ZC2HC1C: variants seen among roughly 807,000 people sequenced by gnomAD.
ZC2HC1C encodes the protein zinc finger C2HC-type containing 1C, also known as zinc finger C2HC domain-containing protein 1C.
ZC2HC1C carries 25 observed loss-of-function variants against 39.2 expected under a neutral mutation model. That is an observed-to-expected ratio of 0.64 (90% CI 0.47 to 0.89). The LOEUF (loss-of-function observed/expected upper bound fraction) is 0.89. Ranked by LOEUF, ZC2HC1C falls within the 40% of genes least tolerant of loss-of-function variation. The pLI is 0.00. For missense variants in ZC2HC1C, 519 were observed against 548.6 expected (o/e 0.95, Z 0.54); for synonymous variants, 209 against 214.4 (o/e 0.97, Z 0.22).
At chr14:75,076,438 T>C (rs1015267193) in intron 2 of ZC2HC1C, among the ~76,000 whole-genome samples, 2 of 152,104 alleles carry the variant, frequency 1.3e-5, no homozygotes, top group African/African-American at 2.4e-5. Flanking sequence ...CCAGCTAATT[T>C]TGTGTATTTT....
rs1015210232 is a variant in ZC2HC1C, at chr14:75,077,677, A to G, written c.*113A>G. The G allele has an allele frequency of 9.6e-6, 13 of 1,356,942 alleles. No individual in the cohort carries two copies. Among genetic ancestry groups the G allele is most frequent in the Non-Finnish European group, 1.2e-5 (12 of 967,618 alleles). The allele number at this position is 1,356,942 out of a possible 1,614,324, so 84.1% of individuals were successfully genotyped here. ...CCCATCCTGCCTGCAGAAAACCCAG[A>G]CTGCATTCAGTGTCCTCAGTGTAGC... On this transcript the variant is annotated 3_prime_UTR_variant, in exon 3 of 3. Transcript: ENST00000524913.
In ZC2HC1C at chr14:75,071,035, G is replaced by C; in HGVS notation, c.462G>C (p.Glu154Asp). Residue 154 changes from glutamate to aspartate, a missense_variant, in exon 2 of 3, where the codon GAG becomes GAC. Physicochemically the swap from Glu to Asp is conservative, Grantham distance 45. Coordinates refer to ENST00000524913, the MANE Select transcript of ZC2HC1C (RefSeq NM_024643.4). ...MVHRKSCSTG[E>D]AGTDGDHNVY... The stretch of plus-strand genomic sequence containing the variant: ...ACAGGAAGTCGTGCAGTACAGGTGA[G>C]GCTGGCACTGATGGGGACCATAATG... 6.2e-7 allele frequency: 1 copy of C among 1,614,232 alleles called. No individual in the cohort carries two copies. The highest frequency in any genetic ancestry group is 8.5e-7 in the Non-Finnish European group (1 of 1,180,050).
In ZC2HC1C at chr14:75,073,684, AC is replaced by A. The variant is rs1466577837; in HGVS notation, c.1338+1774del. The A allele has an allele frequency of 3.1e-5, 37 of 1,199,336 alleles. No homozygotes were observed. In the African/African-American group the frequency reaches 5.2e-4, roughly 17 times the overall value. 74.3% of individuals were successfully genotyped at this position (1,199,336 alleles called of 1,614,324 possible). A position where few individuals can be genotyped will look rare whatever the true frequency, so the allele number is the denominator to read the frequency against. On this transcript the variant is annotated intron_variant, in intron 2 of 2. Coordinates refer to ENST00000524913, the MANE Select transcript of ZC2HC1C (RefSeq NM_024643.4). ...TCTTCACGTAACTCCCAGCAGACGT[AC>A]ACCCTGTCTCTCTCCTGGACTGTAA...
chr14:75,076,122 T>C (rs1393519297), intron 2 of ZC2HC1C, among the ~76,000 whole-genome samples: 1 of 152,164 alleles, frequency 6.6e-6, no homozygotes, highest in Non-Finnish European at 1.5e-5. Flanking sequence ...GTGCTTTCTC[T>C]GTTCCTTCTG....
At position 75,071,643 on chromosome 14, in the gene ZC2HC1C, C is replaced by T. The variant is rs368510505; in HGVS notation, c.1070C>T (p.Pro357Leu). The T allele has an allele frequency of 1.1e-4, 172 of 1,614,090 alleles. No homozygotes were observed. The highest frequency in any genetic ancestry group is 1.4e-4 in the Non-Finnish European group (160 of 1,180,048). ...VEKFSPPSET[P>L]VGALQGSARN... ...AAATTCTCCCCGCCTTCAGAAACAC[C>T]AGTCGGTGCTTTGCAGGGATCCGCC... The change falls in exon 2 of 3, where the codon CCA becomes CTA. Residue 357 changes from proline to leucine, a missense_variant. Physicochemically the swap from Pro to Leu is moderately conservative, Grantham distance 98. Transcript: ENST00000524913.
Position 75,070,842 on chromosome 14 carries a change from G to A in ZC2HC1C, c.269G>A (p.Gly90Glu). Residue 90 changes from glycine (G) to glutamate (E), a missense_variant, in exon 2 of 3, where the codon GGA becomes GAA. Gly to Glu is a moderately conservative substitution (Grantham distance 98, BLOSUM62 -2). Transcript: ENST00000524913. ...AGCTACTCCTATCCCCACTGTACTG[G>A]AATCAGCCAGCAAGATCCAGAAAGT... The part of the protein sequence containing the change: ...ARSYSYPHCT[G>E]ISQQDPESDS... The A allele has an allele frequency of 6.2e-7, 1 of 1,614,178 alleles. No homozygotes were observed. The highest frequency in any genetic ancestry group is 1.1e-5 in the South Asian group (1 of 91,084).
intron 2 of ZC2HC1C, 44 bp from the exon 3 acceptor site, chr14:75,077,488 G>GAT: frequency 6.2e-7 from 1 of 1,613,274 alleles, no homozygotes; most frequent in Non-Finnish European, 8.5e-7. Context: ...TCAGGAAGGA[G>GAT]ATAGGTGCCA....
rs768393986 is a variant in ZC2HC1C, at chr14:75,071,196, C to T, written c.623C>T (p.Thr208Met). 5.0e-6 allele frequency: 8 copies of T among 1,614,118 alleles called. No homozygotes were observed. Among genetic ancestry groups the T allele is most frequent in the Admixed American group, 3.3e-5 (2 of 60,016 alleles). The change falls in exon 2 of 3, where the codon ACG becomes ATG. Residue 208 changes from threonine to methionine, a missense_variant. Transcript: ENST00000524913. ...AAGGCCGTGGCAAACTTTGACAGGA[C>T]GGAGTGGGTGCAGATCCGAAGACTA... ...AEKAVANFDR[T>M]EWVQIRRLEA...
In ZC2HC1C at chr14:75,071,226, C is replaced by CT; in HGVS notation, c.654dup (p.Ala219CysfsTer41). 1 of 1,614,144 alleles carries CT rather than the reference C, an allele frequency of 6.2e-7. No homozygotes were observed. The highest frequency in any genetic ancestry group is 8.5e-7 in the Non-Finnish European group (1 of 1,180,030). On this transcript the variant is annotated frameshift_variant, in exon 2 of 3. Transcript: ENST00000524913. LOFTEE classifies it high-confidence loss of function. ...TGGGTGCAGATCCGAAGACTAGAAG[C>CT]TGCAGGGGAGAGCTTAGAGGAGGAA... is the stretch of plus-strand genomic sequence containing the variant.
At chr14:75,069,813 GA>G in intron 1 of ZC2HC1C, 64 bp downstream of exon 1, 2 of 153,228 alleles carry the variant, frequency 1.3e-5, no homozygotes, top group Middle Eastern at 6.7e-3. Flanking sequence ...CGAAGGGCAG[GA>G]GAGCGAGAGG....
intron 2 of ZC2HC1C, among the ~76,000 whole-genome samples, chr14:75,077,085 C>A (rs1014366218): frequency 6.1e-4 from 93 of 152,170 alleles, no homozygotes; most frequent in African/African-American, 2.2e-3. Flanking sequence ...GTACTTAATC[C>A]CCATTTTCAG....
chr14:75,071,202 G>A lies in ZC2HC1C; in HGVS notation c.629G>A (p.Trp210Ter), dbSNP rs1306450934. The change falls in exon 2 of 3, where the codon TGG (tryptophan) becomes TAG (stop). Residue 210 changes from tryptophan to a stop codon, truncating the protein, a stop_gained. Coordinates refer to ENST00000524913, the MANE Select transcript of ZC2HC1C (RefSeq NM_024643.4). LOFTEE classifies it high-confidence loss of function. ...GTGGCAAACTTTGACAGGACGGAGTGGGTGCAGATCCGAAGACTAGAAGCT... is the reference window on the plus strand; with the variant it reads ...GTGGCAAACTTTGACAGGACGGAGTAGGTGCAGATCCGAAGACTAGAAGCT... ...KAVANFDRTE[W>*]VQIRRLEAAG... The A allele has an allele frequency of 2.5e-6, 4 of 1,614,218 alleles. No individual in the cohort carries two copies. The highest frequency in any genetic ancestry group is 3.4e-6 in the Non-Finnish European group (4 of 1,180,054).
Position 75,079,701 on chromosome 14 carries a change from G to C in ZC2HC1C, c.*2137G>C, listed in dbSNP as rs1893812550. Reference sequence around the variant, plus strand: ...AAAACTGGAAGTTCTGGAAACACTGGGCCAGCAACCCGCATGGCACAAATT... The same window carrying C: ...AAAACTGGAAGTTCTGGAAACACTGCGCCAGCAACCCGCATGGCACAAATT... On this transcript the variant is annotated 3_prime_UTR_variant, in exon 3 of 3. Coordinates refer to ENST00000524913, the MANE Select transcript of ZC2HC1C (RefSeq NM_024643.4). 1 of 152,162 alleles carries C rather than the reference G, an allele frequency of 6.6e-6. No individual in the cohort carries two copies. Among genetic ancestry groups the C allele is most frequent in the Non-Finnish European group, 1.5e-5 (1 of 68,036 alleles). 9.4% of individuals were successfully genotyped at this position (152,162 alleles called of 1,614,324 possible). A position where few individuals can be genotyped will look rare whatever the true frequency, so the allele number is the denominator to read the frequency against.
chr14:75,071,610 C>T lies in ZC2HC1C; in HGVS notation c.1037C>T (p.Ser346Leu), dbSNP rs768821893. 70 of 1,614,174 alleles carry T rather than the reference C, an allele frequency of 4.3e-5. No individual in the cohort carries two copies. Among genetic ancestry groups the T allele is most frequent in the East Asian group, 2.0e-4 (9 of 44,882 alleles). ...ATTCGAGACCCAGTCTCAGAGCCAT[C>T]GGTGGAGAAATTCTCCCCGCCTTCA... ...NKIRDPVSEP[S>L]VEKFSPPSET... The change falls in exon 2 of 3, where the codon TCG (serine) becomes TTG (leucine). Residue 346 changes from serine (S) to leucine (L), a missense_variant. Physicochemically the swap from Ser to Leu is moderately radical, Grantham distance 145. Transcript: ENST00000524913.
In ZC2HC1C at chr14:75,070,714, G is replaced by A; in HGVS notation, c.141G>A (p.Gly47=). 6.2e-7 allele frequency: 1 copy of A among 1,614,164 alleles called. No homozygotes were observed. Residue 47 remains glycine, a synonymous_variant, in exon 2 of 3, where the codon GGG becomes GGA. Coordinates refer to ENST00000524913, the MANE Select transcript of ZC2HC1C (RefSeq NM_024643.4). ...QGDSSQQSLK[G]HLRNNFQKQL... Reference sequence around the variant, plus strand: ...ACTCTTCCCAGCAGTCCTTGAAGGGGCACCTGAGGAACAATTTCCAGAAGC... The same window carrying A: ...ACTCTTCCCAGCAGTCCTTGAAGGGACACCTGAGGAACAATTTCCAGAAGC...
In ZC2HC1C at chr14:75,072,059, C is replaced by G. The variant is rs968714806; in HGVS notation, c.1338+148C>G. ...ACATTTCTTGATTACTACTGTATGC[C>G]AGCATTGTGACGGGAGCTTTTCATG... On this transcript the variant is annotated intron_variant, in intron 2 of 2. Coordinates refer to ENST00000524913, the MANE Select transcript of ZC2HC1C (RefSeq NM_024643.4). 7.6e-6 allele frequency: 9 copies of G among 1,176,764 alleles called. No homozygotes were observed. The African/African-American group carries it at 9.3e-5, about 12-fold the overall frequency. The allele number at this position is 1,176,764 out of a possible 1,614,324, so 72.9% of individuals were successfully genotyped here. A position where few individuals can be genotyped will look rare whatever the true frequency, so the allele number is the denominator to read the frequency against.
Position 75,079,220 on chromosome 14 carries a change from AAAAAAAAAAAAAAAAG to A in ZC2HC1C, c.*1666_*1681del, listed in dbSNP as rs1319403411. 2.0e-5 allele frequency: 3 copies of A among 151,022 alleles called. No individual in the cohort carries two copies. The highest frequency in any genetic ancestry group is 1.3e-4 in the Admixed American group (2 of 15,142). The allele number at this position is 151,022 out of a possible 1,614,324, so 9.4% of individuals were successfully genotyped here. On this transcript the variant is annotated 3_prime_UTR_variant, in exon 3 of 3. Coordinates refer to ENST00000524913, the MANE Select transcript of ZC2HC1C (RefSeq NM_024643.4). ...GACCTAGTGAGACTCCATCTCAAAA[AAAAAAAAAAAAAAAAG>A]AAAAAAAAATTGGGCTAACAGATCA...
chr14:75,071,681 C>CT lies in ZC2HC1C; in HGVS notation c.1109dup (p.Ser371ValfsTer14). On this transcript the variant is annotated frameshift_variant, in exon 2 of 3. Coordinates refer to ENST00000524913, the MANE Select transcript of ZC2HC1C (RefSeq NM_024643.4). LOFTEE classifies it high-confidence loss of function. ...GCAGGGATCCGCCAGAAATTCCAGC[C>CT]TGTCCATGGCACCAGACTCCTCAGG... is the stretch of plus-strand genomic sequence containing the variant. 6.2e-7 allele frequency: 1 copy of CT among 1,614,168 alleles called. No individual in the cohort carries two copies. Among genetic ancestry groups the CT allele is most frequent in the East Asian group, 2.2e-5 (1 of 44,874 alleles).
chr14:75,071,238 G>C lies in ZC2HC1C; in HGVS notation c.665G>C (p.Ser222Thr). ...QIRRLEAAGE[S>T]LEEEIRRKQI... ...CGAAGACTAGAAGCTGCAGGGGAGAGCTTAGAGGAGGAAATCCGAAGAAAG... is the reference window on the plus strand; with the variant it reads ...CGAAGACTAGAAGCTGCAGGGGAGACCTTAGAGGAGGAAATCCGAAGAAAG... Residue 222 changes from serine (S) to threonine (T), a missense_variant, in exon 2 of 3, where the codon AGC (serine) becomes ACC (threonine). Physicochemically the swap from Ser to Thr is moderately conservative, Grantham distance 58. Transcript: ENST00000524913. 4 of 1,614,196 alleles carry C rather than the reference G, an allele frequency of 2.5e-6. No individual in the cohort carries two copies. The highest frequency in any genetic ancestry group is 3.4e-6 in the Non-Finnish European group (4 of 1,180,050).
Sources: gnomAD v4.1 joint callset for allele counts (sites outside exome capture counted in the v4.1 genomes callset) on GRCh38, gnomAD v4.1.1 for gene constraint, MANE v1.5 for transcripts, NCBI Gene and HGNC (gene_info 2026-07-23, HGNC 2026-07-21) for gene names.